SLC12A3: variants seen among roughly 807,000 people sequenced by gnomAD.
SLC12A3 encodes Na-Cl cotransporter.
SLC12A3 carries 104 observed loss-of-function variants against 121.0 expected under a neutral mutation model. That is an observed-to-expected ratio of 0.86 (90% CI 0.73 to 1.01). The LOEUF (loss-of-function observed/expected upper bound fraction) is 1.01. SLC12A3 is among the 50% of genes least tolerant of loss of function. SLC12A3 has a pLI of 0.00. For synonymous variants in SLC12A3, 536 were observed against 533.4 expected, an observed-to-expected ratio of 1.00 and a Z score of -0.07; for missense variants, 1,328 against 1,356.3, an observed-to-expected ratio of 0.98 and a Z score of 0.33.
intron 25 of SLC12A3, 178 bp downstream of exon 25, chr16:56,904,640 C>T (rs1488517673): frequency 9.5e-6 from 6 of 631,512 alleles, no homozygotes; most frequent in Middle Eastern, 4.4e-4. Flanking sequence ...GGCCTGAGCC[C>T]GCCCCACACC....
intron 25 of SLC12A3, among the ~76,000 whole-genome samples, chr16:56,910,051 C>CT (rs112654842): frequency 6.6e-5 from 10 of 152,088 alleles, no homozygotes; most frequent in Admixed American, 2.6e-4. Flanking sequence ...CCAGACACCT[C>CT]TTTTTTTTCT....
At chr16:56,906,255 C>A (rs1266688530) in intron 25 of SLC12A3, among the ~76,000 whole-genome samples, 7 of 152,206 alleles carry the variant, frequency 4.6e-5, no homozygotes, top group Non-Finnish European at 8.8e-5. Context: ...GTCTGCAATA[C>A]CCTCTTTCAG....
At chr16:56,902,531 G>GGCGGC in intron 24 of SLC12A3, 23 bp downstream of exon 24, 1 of 714,568 alleles carries the variant, frequency 1.4e-6, no homozygotes, top group Non-Finnish European at 2.4e-6. Context: ...GTGGGGGTGG[G>GGCGGC]AAACGCGACA....
intron 22 of SLC12A3, among the ~76,000 whole-genome samples, chr16:56,898,249 ATTTGGTTTTG>A (rs1401207650): frequency 1.5e-4 from 21 of 142,676 alleles, no homozygotes; most frequent in African/African-American, 4.5e-4. Flanking sequence ...TGTTAGTTTG[ATTTGGTTTTG>A]TTTTGTTTTG....
rs1250524603 is a variant in SLC12A3, at chr16:56,869,954, G to A, written c.601+130G>A. 5.1e-6 allele frequency: 7 copies of A among 1,368,460 alleles called. No individual in the cohort carries two copies. The Admixed American group carries it at 1.2e-4, about 23-fold the overall frequency. 84.8% of individuals were successfully genotyped at this position (1,368,460 alleles called of 1,614,324 possible). On this transcript the variant is annotated intron_variant, in intron 4 of 25. Transcript: ENST00000563236. ...TGGTTCCGGGAGAGGGCTCTAGGCA[G>A]GCTGTCTACACCACGAGATGGCCTC...
At chr16:56,872,326 C>G (rs557473507) in intron 6 of SLC12A3, 25 bp from the exon 7 acceptor site, 2 of 1,546,294 alleles carry the variant, frequency 1.3e-6, no homozygotes, top group Admixed American at 3.3e-5. Context: ...ACTATCTGAC[C>G]TCTGGGGTCC....
At chr16:56,895,191 A>ACTTTT in intron 22 of SLC12A3, among the ~76,000 whole-genome samples, 1 of 111,934 alleles carries the variant, frequency 8.9e-6, no homozygotes. Flanking sequence ...TATATATTTT[A>ACTTTT]ATTTTTTTTT....
intron 17 of SLC12A3, among the ~76,000 whole-genome samples, 161 bp downstream of exon 17, chr16:56,887,254 T>A (rs542510545): frequency 3.2e-4 from 49 of 151,766 alleles, no homozygotes; most frequent in African/African-American, 1.1e-3. Flanking sequence ...CAGGCTGGAG[T>A]GCAATGGTGT....
In SLC12A3 at chr16:56,915,777, A is replaced by G. The variant is rs1215100181; in HGVS notation, c.*2372A>G. 6.6e-6 allele frequency: 1 copy of G among 152,248 alleles called. No individual in the cohort carries two copies. The highest frequency in any genetic ancestry group is 1.5e-5 in the Non-Finnish European group (1 of 68,042). The allele number at this position is 152,248 out of a possible 1,614,324, so 9.4% of individuals were successfully genotyped here. On this transcript the variant is annotated 3_prime_UTR_variant, in exon 26 of 26. Transcript: ENST00000563236. ...TTTAACAATAGTAATAGCTTTGTAA[A>G]AAAATAAAAAGCTTTAACAGCGAGG... is the stretch of plus-strand genomic sequence containing the variant.
Position 56,872,429 on chromosome 16 carries a change from G to A in SLC12A3, c.931G>A (p.Asp311Asn), listed in dbSNP as rs376634231. ...GGGGACGCTGATCCCCCCATCTGAGGACAAGGCCTCCAAAGGCTTCTTCAG... is the reference window on the plus strand; with the variant it reads ...GGGGACGCTGATCCCCCCATCTGAGAACAAGGCCTCCAAAGGCTTCTTCAG... ...LVGTLIPPSE[D>N]KASKGFFSYR... Residue 311 changes from aspartate (D) to asparagine (N), a missense_variant, in exon 7 of 26, where the codon GAC becomes AAC. By Grantham distance (23) the Asp-to-Asn change is conservative. Coordinates refer to ENST00000563236, the MANE Select transcript of SLC12A3 (RefSeq NM_001126108.2). 1.7e-5 allele frequency: 28 copies of A among 1,613,964 alleles called. 1 individual carries two copies. Among genetic ancestry groups the A allele is most frequent in the Middle Eastern group, 1.6e-4 (1 of 6,084 alleles).
chr16:56,879,691 G>A (rs748849167), intron 11 of SLC12A3, 42 bp downstream of exon 11: 1 of 1,483,602 alleles, frequency 6.7e-7, no homozygotes, highest in Non-Finnish European at 9.4e-7. Flanking sequence ...GGGGTGGGGA[G>A]CCTGGGCTAG....
At chr16:56,878,660 G>A (rs547481489) in intron 9 of SLC12A3, among the ~76,000 whole-genome samples, 4 of 152,018 alleles carry the variant, frequency 2.6e-5, no homozygotes, top group Non-Finnish European at 5.9e-5. Context: ...CCAGGTCTGG[G>A]CTGTTAACAC....
chr16:56,899,242 T>G (rs1445473878), intron 22 of SLC12A3, among the ~76,000 whole-genome samples: 2 of 151,640 alleles, frequency 1.3e-5, no homozygotes, highest in African/African-American at 2.4e-5. Flanking sequence ...AGGCTGGGCA[T>G]GGTGGCTCCA....
intron 3 of SLC12A3, among the ~76,000 whole-genome samples, chr16:56,869,359 ACT>A (rs1964435553): frequency 6.6e-6 from 1 of 151,694 alleles, no homozygotes; most frequent in African/African-American, 2.4e-5. Context: ...ACGAAGTCTC[ACT>A]CTGTCACCCA....
chr16:56,897,373 G>C (rs975711451), intron 22 of SLC12A3, among the ~76,000 whole-genome samples: 1 of 152,180 alleles, frequency 6.6e-6, no homozygotes, highest in South Asian at 2.1e-4. Context: ...TATCTTGGCT[G>C]TGATGCCCCA....
At chr16:56,898,712 C>T (rs1009888803) in intron 22 of SLC12A3, among the ~76,000 whole-genome samples, 8 of 152,210 alleles carry the variant, frequency 5.3e-5, no homozygotes, top group African/African-American at 1.9e-4. Context: ...CCACAGTAGG[C>T]TTCTCCTTCC....
At chr16:56,894,152 C>T (rs1304825507) in intron 21 of SLC12A3, among the ~76,000 whole-genome samples, 1 of 151,926 alleles carries the variant, frequency 6.6e-6, no homozygotes, top group Non-Finnish European at 1.5e-5. Context: ...TATAGGTGTG[C>T]ACCATCAGGC....
chr16:56,886,883 GGA>G, intron 16 of SLC12A3, 68 bp from the exon 17 acceptor site: 1 of 1,606,234 alleles, frequency 6.2e-7, no homozygotes, highest in Non-Finnish European at 8.5e-7. Flanking sequence ...CTCCAGGGCA[GGA>G]GAGGGGTTGA....
chr16:56,901,164 C>T (rs1491002176), intron 23 of SLC12A3, among the ~76,000 whole-genome samples: 1 of 152,144 alleles, frequency 6.6e-6, no homozygotes, highest in Non-Finnish European at 1.5e-5. Context: ...CATCAGGGGC[C>T]CTTCCTCCAG....
Sources: gnomAD v4.1 joint callset for allele counts (sites outside exome capture counted in the v4.1 genomes callset) on GRCh38, gnomAD v4.1.1 for gene constraint, MANE v1.5 for transcripts, NCBI Gene and HGNC (gene_info 2026-07-23, HGNC 2026-07-21) for gene names.